SLC24A2: variants seen among roughly 807,000 people sequenced by gnomAD.
SLC24A2 encodes solute carrier family 24 member 2, also known as sodium/potassium/calcium exchanger 2.
Under a neutral mutation model 62.0 loss-of-function variants are expected in SLC24A2, and 36 were observed. The observed-to-expected ratio is 0.58, with a 90% CI of 0.44 to 0.77. The LOEUF (loss-of-function observed/expected upper bound fraction) is 0.77. Ranked by LOEUF, SLC24A2 falls within the 30% of genes least tolerant of loss-of-function variation. SLC24A2 has a pLI of 0.00. For synonymous variants in SLC24A2, 358 were observed against 294.0 expected (o/e 1.22, Z -2.23); for missense variants, 846 against 817.9 (o/e 1.03, Z -0.42).
intron 7 of SLC24A2, among the ~76,000 whole-genome samples, chr9:19,553,515 G>A (rs1834941827): frequency 6.6e-6 from 1 of 152,198 alleles, no homozygotes. Flanking sequence ...TTAGGGCCTT[G>A]TAATCTTTGA....
intron 2 of SLC24A2, among the ~76,000 whole-genome samples, chr9:19,713,020 A>T (rs760938986): frequency 5.3e-5 from 8 of 152,114 alleles, no homozygotes; most frequent in African/African-American, 1.7e-4. Flanking sequence ...CTGTACTCAG[A>T]TGTCACCTCC....
chr9:19,687,379 C>T (rs966577929), intron 2 of SLC24A2, among the ~76,000 whole-genome samples: 23 of 152,056 alleles, frequency 1.5e-4, no homozygotes, highest in African/African-American at 5.6e-4. Context: ...CCTCAAGTTA[C>T]TTAAAGTTTA....
At chr9:19,939,608 C>T in the SLC24A2 span, among the ~76,000 whole-genome samples, 43 of 152,226 alleles carry the variant, frequency 2.8e-4, no homozygotes, top group Non-Finnish European at 4.3e-4. Flanking sequence ...CTGTAAACAA[C>T]GGTAGACTTT....
At chr9:19,581,026 T>C (rs1836190755) in intron 5 of SLC24A2, among the ~76,000 whole-genome samples, 1 of 151,996 alleles carries the variant, frequency 6.6e-6, no homozygotes, top group African/African-American at 2.4e-5. Context: ...ACTCTGTAAG[T>C]TAGAGGAAAA....
At chr9:19,703,971 T>G (rs1366088093) in intron 2 of SLC24A2, among the ~76,000 whole-genome samples, 1 of 152,224 alleles carries the variant, frequency 6.6e-6, no homozygotes. Flanking sequence ...TGTAAGAATG[T>G]GTCTCATCCT....
In SLC24A2 at chr9:19,560,914, TATAGAGAG is replaced by T. The variant is rs759426338; in HGVS notation, c.1348-10654_1348-10647del. On this transcript the variant is annotated intron_variant, in intron 7 of 10. Transcript: ENST00000341998. Reference sequence around the variant, plus strand: ...GTGTGTGTGTATATATATATATATATATAGAGAGAGAGAGAGAGAGAGAGAGAGAGAGA... The same window carrying T: ...GTGTGTGTGTATATATATATATATATAGAGAGAGAGAGAGAGAGAGAGAGA... Among the ~76,000 whole-genome samples the T allele has an allele frequency of 5.3e-3, 566 of 106,320 alleles. 9 individuals are homozygous for T. The highest frequency in any genetic ancestry group is 0.02 in the African/African-American group (466 of 23,322). The allele number at this position is 106,320 out of a possible 152,430, so 69.8% of individuals were successfully genotyped here. A position where few individuals can be genotyped will look rare whatever the true frequency, so the allele number is the denominator to read the frequency against.
intron 2 of SLC24A2, among the ~76,000 whole-genome samples, chr9:19,686,317 A>C: frequency 6.6e-6 from 1 of 152,164 alleles, no homozygotes; most frequent in East Asian, 1.9e-4. Flanking sequence ...TGGAAATGTT[A>C]ATTAGTTCAG....
the SLC24A2 span, among the ~76,000 whole-genome samples, chr9:19,935,343 GTCCT>G: frequency 6.6e-6 from 1 of 152,164 alleles, no homozygotes; most frequent in Non-Finnish European, 1.5e-5. Flanking sequence ...TAGGCACAAA[GTCCT>G]TGCTGCTGAA....
At chr9:20,177,659 G>A in the SLC24A2 span, among the ~76,000 whole-genome samples, 6 of 152,054 alleles carry the variant, frequency 3.9e-5, no homozygotes, top group South Asian at 1.2e-3. Context: ...TAGGCTATGG[G>A]TGAGCAAGAA....
the SLC24A2 span, among the ~76,000 whole-genome samples, chr9:20,276,593 C>T: frequency 4.9e-4 from 75 of 152,340 alleles, no homozygotes; most frequent in Non-Finnish European, 9.3e-4. Context: ...TCTCACTGCT[C>T]CACTGGGGAG....
the SLC24A2 span, among the ~76,000 whole-genome samples, chr9:19,872,774 A>G: frequency 6.6e-6 from 1 of 152,204 alleles, no homozygotes; most frequent in Non-Finnish European, 1.5e-5. Flanking sequence ...ATGATTGACA[A>G]TGCAGGATTT....
At chr9:20,183,976 A>G in the SLC24A2 span, among the ~76,000 whole-genome samples, 86 of 152,344 alleles carry the variant, frequency 5.6e-4, no homozygotes, top group African/African-American at 2.0e-3. Flanking sequence ...ATTGAGAGAA[A>G]TACAATTACA....
chr9:20,037,711 C>T, the SLC24A2 span, among the ~76,000 whole-genome samples: 7,292 of 152,158 alleles, frequency 0.048, 246 homozygotes, highest in Middle Eastern at 0.071. Context: ...ATTTTTGCCT[C>T]CCAAGAAATA....
chr9:20,209,088 A>G, the SLC24A2 span, among the ~76,000 whole-genome samples: 1 of 152,224 alleles, frequency 6.6e-6, no homozygotes, highest in African/African-American at 2.4e-5. Flanking sequence ...TGCTGTGAGC[A>G]TTAAATGTGA....
At chr9:19,565,885 A>G (rs1026761382) in intron 7 of SLC24A2, among the ~76,000 whole-genome samples, 1 of 151,138 alleles carries the variant, frequency 6.6e-6, no homozygotes, top group African/African-American at 2.5e-5. Flanking sequence ...TATTTAATAA[A>G]TGGTACTGGG....
the SLC24A2 span, among the ~76,000 whole-genome samples, chr9:20,112,955 T>G: frequency 6.6e-6 from 1 of 152,026 alleles, no homozygotes. Flanking sequence ...CGGTTAGGGC[T>G]GGAAAAAACA....
chr9:19,688,243 G>A (rs567535462), intron 2 of SLC24A2, among the ~76,000 whole-genome samples: 6 of 152,190 alleles, frequency 3.9e-5, no homozygotes, highest in African/African-American at 1.2e-4. Flanking sequence ...TGATAATCCT[G>A]GCTTTATGGA....
At chr9:20,014,364 C>G in the SLC24A2 span, among the ~76,000 whole-genome samples, 1 of 151,926 alleles carries the variant, frequency 6.6e-6, no homozygotes, top group South Asian at 2.1e-4. Context: ...GACCCAGTAA[C>G]CCCACTTCTG....
chr9:19,720,788 CTTGA>C (rs1450917166), intron 2 of SLC24A2, among the ~76,000 whole-genome samples: 29 of 138,312 alleles, frequency 2.1e-4, no homozygotes, highest in African/African-American at 7.5e-4. Context: ...AACTCATATT[CTTGA>C]TTTTCTTTTT....
Sources: allele counts gnomAD v4.1 joint callset (sites outside exome capture counted in the v4.1 genomes callset), GRCh38; gene constraint gnomAD v4.1.1; transcripts MANE v1.5; gene names NCBI Gene and HGNC (gene_info 2026-07-23, HGNC 2026-07-21).